MYO16: variants seen among roughly 807,000 people sequenced by gnomAD.
The protein encoded by MYO16 is myosin XVI.
Under a neutral mutation model 205.3 loss-of-function variants are expected in MYO16, and 94 were observed. The ratio of observed to expected loss-of-function variants is 0.46; its 90% CI spans 0.39 to 0.54. MYO16 has a LOEUF of 0.54. Among genes scored for constraint, MYO16 ranks in the 20% least tolerant of loss-of-function variants. The pLI is 0.00. For synonymous variants in MYO16, 988 were observed against 954.0 expected (o/e 1.04, Z -0.66); for missense variants, 2,315 against 2,387.5 (o/e 0.97, Z 0.63).
At chr13:108,934,455 T>C (rs1594407676) in intron 16 of MYO16, among the ~76,000 whole-genome samples, 1 of 152,178 alleles carries the variant, frequency 6.6e-6, no homozygotes, top group Non-Finnish European at 1.5e-5. Flanking sequence ...TGTTTTTTGC[T>C]TGTTCAATTG....
chr13:108,698,192 C>A (rs9559383), intron 2 of MYO16, among the ~76,000 whole-genome samples: 35,720 of 152,112 alleles, frequency 0.23, 4,796 homozygotes, highest in Non-Finnish European at 0.31. Context: ...CCATCACGCC[C>A]AACTGGGGTC....
chr13:108,542,593 G>C, the MYO16 span, among the ~76,000 whole-genome samples: 1 of 152,134 alleles, frequency 6.6e-6, no homozygotes, highest in Non-Finnish European at 1.5e-5. Flanking sequence ...TTATCCTTGA[G>C]ATTAGCCTTT....
At chr13:108,880,214 A>AT (rs1373708070) in intron 12 of MYO16, among the ~76,000 whole-genome samples, 3 of 151,882 alleles carry the variant, frequency 2.0e-5, no homozygotes, top group South Asian at 2.1e-4. Context: ...GGGTTATTTG[A>AT]TTTTTTCTTG....
chr13:108,844,300 A>G lies in MYO16; in HGVS notation c.1098-43A>G, dbSNP rs745555443. Reference sequence around the variant, plus strand: ...ATTGGTAATTTTCGATTGATAAAACATTAGAAAGAGACTAATTGTAGTATT... The same window carrying G: ...ATTGGTAATTTTCGATTGATAAAACGTTAGAAAGAGACTAATTGTAGTATT... On this transcript the variant is annotated intron_variant, in intron 9 of 34. Coordinates refer to ENST00000457511, the MANE Select transcript of MYO16 (RefSeq NM_001198950.3). The G allele has an allele frequency of 5.1e-6, 8 of 1,556,022 alleles. No individual in the cohort carries two copies. The Admixed American group carries it at 1.2e-4, about 24-fold the overall frequency.
the MYO16 span, among the ~76,000 whole-genome samples, chr13:108,519,474 T>G: frequency 6.6e-6 from 1 of 152,282 alleles, no homozygotes; most frequent in South Asian, 2.1e-4. Context: ...CGGATTTGAC[T>G]GCATTTAGTG....
At chr13:108,953,260 G>A (rs1162240874) in intron 16 of MYO16, among the ~76,000 whole-genome samples, 1 of 152,092 alleles carries the variant, frequency 6.6e-6, no homozygotes, top group South Asian at 2.1e-4. Flanking sequence ...ATATTTTATG[G>A]TTTAAGATGA....
chr13:108,499,712 C>T, the MYO16 span, among the ~76,000 whole-genome samples: 101 of 152,294 alleles, frequency 6.6e-4, no homozygotes, highest in African/African-American at 2.2e-3. Flanking sequence ...TATTGGTAAA[C>T]TTTAAGTGGT....
At chr13:109,023,625 A>G (rs1236880092) in intron 23 of MYO16, among the ~76,000 whole-genome samples, 1 of 122,556 alleles carries the variant, frequency 8.2e-6, no homozygotes, top group African/African-American at 3.2e-5. Flanking sequence ...ATACAAATAT[A>G]TAGACAAATA....
chr13:108,636,758 A>ATCTAGAGC (rs1880272198), intron 1 of MYO16, among the ~76,000 whole-genome samples: 1 of 152,154 alleles, frequency 6.6e-6, no homozygotes, highest in Non-Finnish European at 1.5e-5. Context: ...TTATAATAAG[A>ATCTAGAGC]TCTAGAGCTT....
Position 109,052,484 on chromosome 13 carries a change from T to C in MYO16, c.3048+9T>C. 1 of 1,558,786 alleles carries C rather than the reference T, an allele frequency of 6.4e-7. No individual in the cohort carries two copies. Among genetic ancestry groups the C allele is most frequent in the Non-Finnish European group, 8.7e-7 (1 of 1,144,174 alleles). On this transcript the variant is annotated intron_variant, in intron 25 of 34. Coordinates refer to ENST00000457511, the MANE Select transcript of MYO16 (RefSeq NM_001198950.3). ...ATCTAGAACTTAGTAAGGTAGGAGT[T>C]TTTATGATTATTGTTGGATTATTTT...
intron 16 of MYO16, among the ~76,000 whole-genome samples, chr13:108,922,086 G>A (rs142595752): frequency 7.4e-4 from 112 of 152,290 alleles, no homozygotes; most frequent in African/African-American, 2.4e-3. Flanking sequence ...GCCTCTGTGC[G>A]GCTCTGTCCA....
chr13:108,999,395 AT>A (rs1885141101), intron 21 of MYO16, among the ~76,000 whole-genome samples: 1 of 152,192 alleles, frequency 6.6e-6, no homozygotes, highest in African/African-American at 2.4e-5. Flanking sequence ...TTGATCTGAT[AT>A]TTTTAAAAAT....
Position 108,678,265 on chromosome 13 carries a change from C to G in MYO16, c.292+12116C>G, listed in dbSNP as rs1047471635. ...TGCTTCATAAAGCAGCATTTGCAAA[C>G]AGTGTTAAAACTGCCCCACTGGAGC... On this transcript the variant is annotated intron_variant, in intron 2 of 34. Coordinates refer to ENST00000457511, the MANE Select transcript of MYO16 (RefSeq NM_001198950.3). Among the ~76,000 whole-genome samples, 5 of 152,308 alleles carry G rather than the reference C, an allele frequency of 3.3e-5. No individual in the cohort carries two copies. In the South Asian group the frequency reaches 1.0e-3, roughly 32 times the overall value.
At chr13:108,905,179 G>A (rs971505639) in intron 15 of MYO16, among the ~76,000 whole-genome samples, 3 of 152,016 alleles carry the variant, frequency 2.0e-5, no homozygotes, top group Admixed American at 6.6e-5. Context: ...CTGCAGGTTG[G>A]CCATCGGTTT....
intron 3 of MYO16, among the ~76,000 whole-genome samples, chr13:108,713,610 T>C (rs1429380318): frequency 6.6e-6 from 1 of 152,168 alleles, no homozygotes; most frequent in African/African-American, 2.4e-5. Flanking sequence ...CTGGGAGTTG[T>C]TAAGACTTCC....
At chr13:108,561,617 T>G in the MYO16 span, among the ~76,000 whole-genome samples, 1 of 152,246 alleles carries the variant, frequency 6.6e-6, no homozygotes, top group African/African-American at 2.4e-5. Context: ...TAATGTTTAT[T>G]TTAAGGCACT....
intron 27 of MYO16, among the ~76,000 whole-genome samples, chr13:109,087,464 G>A (rs1888467549): frequency 6.6e-6 from 1 of 152,222 alleles, no homozygotes; most frequent in Non-Finnish European, 1.5e-5. Context: ...TGGCCAACAT[G>A]ATGAAACCCT....
the MYO16 span, among the ~76,000 whole-genome samples, chr13:108,549,257 CAA>C: frequency 6.6e-6 from 1 of 152,030 alleles, no homozygotes; most frequent in African/African-American, 2.4e-5. Context: ...TATGATCCTA[CAA>C]GAGAGAGATT....
chr13:109,185,023 C>G (rs1055242724), intron 34 of MYO16, among the ~76,000 whole-genome samples: 4 of 152,070 alleles, frequency 2.6e-5, no homozygotes, highest in Admixed American at 6.5e-5. Flanking sequence ...GATTTGCCCC[C>G]CTCCCTCCCA....
Sources: gnomAD v4.1 joint callset for allele counts (sites outside exome capture counted in the v4.1 genomes callset) on GRCh38, gnomAD v4.1.1 for gene constraint, MANE v1.5 for transcripts, NCBI Gene and HGNC (gene_info 2026-07-23, HGNC 2026-07-21) for gene names.